The following ARMC9 variants were observed in gnomAD, a reference collection of about 807,000 sequenced individuals.
ARMC9 encodes the protein lisH domain-containing protein ARMC9.
A neutral mutation model predicts 107.0 loss-of-function variants in ARMC9; 94 were observed. The ratio of observed to expected loss-of-function variants is 0.88; its 90% confidence interval spans 0.74 to 1.04. The LOEUF is 1.04. Among genes scored for constraint, ARMC9 ranks in the 50% least tolerant of loss-of-function variants. The probability of loss-of-function intolerance (pLI) is 0.00; values close to 1 mark genes in which losing one functional copy is unlikely to be tolerated. For synonymous variants in ARMC9, 380 were observed against 396.9 expected, an observed-to-expected ratio of 0.96 and a Z score of 0.51; for missense variants, 942 against 1,030.1, an observed-to-expected ratio of 0.91 and a Z score of 1.17.
intron 19 of ARMC9, 34 bp from the exon 20 acceptor site, chr2:231,331,759 G>A: frequency 6.3e-7 from 1 of 1,581,054 alleles, no homozygotes; most frequent in East Asian, 2.2e-5. Context: ...GTGTCAGGGT[G>A]TCCATGGCAT....
chr2:231,290,223 A>G (rs2040891383), intron 17 of ARMC9, among the ~76,000 whole-genome samples: 1 of 152,242 alleles, frequency 6.6e-6, no homozygotes, highest in Admixed American at 6.5e-5. Context: ...GTCACACATT[A>G]AATTCATGGG....
intron 11 of ARMC9, among the ~76,000 whole-genome samples, chr2:231,260,140 G>A (rs2038201312): frequency 6.6e-6 from 1 of 152,212 alleles, no homozygotes; most frequent in African/African-American, 2.4e-5. Context: ...TGTGAGAAGA[G>A]CAGCATTGTT....
chr2:231,216,264 C>G (rs1020433830), intron 4 of ARMC9, among the ~76,000 whole-genome samples: 2 of 152,154 alleles, frequency 1.3e-5, no homozygotes, highest in African/African-American at 2.4e-5. Flanking sequence ...TTATTTATAT[C>G]TGAAAAGTAG....
In ARMC9 at chr2:231,362,089, G is replaced by T. The variant is rs149232437; in HGVS notation, c.2261+1206G>T. On this transcript the variant is annotated intron_variant, in intron 23 of 24. Transcript: ENST00000611582. This position sits in a 1 kb window ranked among gnomAD's most constrained non-coding sequence, Gnocchi z 4.7. ...CGGGGTCAAAGGTGGCTGCATTACT[G>T]GGGGAGGGGCCAAGCCTCTGGACTC... 6.6e-6 allele frequency among the ~76,000 whole-genome samples: 1 copy of T among 152,068 alleles called. No individual in the cohort carries two copies. The highest frequency in any genetic ancestry group is 1.5e-5 in the Non-Finnish European group (1 of 68,010).
At chr2:231,224,903 G>A (rs1224619727) in intron 6 of ARMC9, among the ~76,000 whole-genome samples, 1 of 152,210 alleles carries the variant, frequency 6.6e-6, no homozygotes, top group Non-Finnish European at 1.5e-5. Context: ...CACTGAGACA[G>A]TGCCTGGGAA....
chr2:231,217,786 G>T (rs984191400), intron 5 of ARMC9, among the ~76,000 whole-genome samples: 5 of 152,136 alleles, frequency 3.3e-5, no homozygotes, highest in Non-Finnish European at 7.4e-5. Context: ...TGCCTCCTGG[G>T]TTGAAGCGAT....
intron 19 of ARMC9, among the ~76,000 whole-genome samples, chr2:231,323,460 T>TA (rs1419781179): frequency 6.6e-6 from 1 of 152,190 alleles, no homozygotes; most frequent in African/African-American, 2.4e-5. Flanking sequence ...CTGCAGGTGT[T>TA]ACTGGGAACG....
chr2:231,308,296 C>G (rs2042145173), intron 19 of ARMC9, among the ~76,000 whole-genome samples: 1 of 152,222 alleles, frequency 6.6e-6, no homozygotes. Context: ...CTATTCTTAG[C>G]CCCATTTTAT....
At chr2:231,274,790 T>C (rs1300104170) in intron 14 of ARMC9, among the ~76,000 whole-genome samples, 1 of 152,158 alleles carries the variant, frequency 6.6e-6, no homozygotes, top group Non-Finnish European at 1.5e-5. Flanking sequence ...GTGTTTTTAG[T>C]GGGGGAAGGG....
rs1341987081 is a variant in ARMC9, at chr2:231,328,814, C to CTTTTTTTTTTTTTT, written c.1774-2975_1774-2974insTTTTTTTTTTTTTT. Among the ~76,000 whole-genome samples, 462 of 127,070 alleles carry CTTTTTTTTTTTTTT rather than the reference C, an allele frequency of 3.6e-3. 37 individuals are homozygous for CTTTTTTTTTTTTTT. The highest frequency in any genetic ancestry group is 5.7e-3 in the African/African-American group (199 of 34,744). The allele number at this position is 127,070 out of a possible 152,430, so 83.4% of individuals were successfully genotyped here. ...AGCGTGTTCAATTTTCTTTTCTTTT[C>CTTTTTTTTTTTTTT]TTTTCTTTTTTTTTTTTTGAGTCGG... On this transcript the variant is annotated intron_variant, in intron 19 of 24. Transcript: ENST00000611582.
intron 8 of ARMC9, among the ~76,000 whole-genome samples, chr2:231,237,177 T>TGC (rs1274873866): frequency 8.9e-6 from 1 of 112,188 alleles, no homozygotes; most frequent in Non-Finnish European, 1.7e-5. Flanking sequence ...TGCGTATGCG[T>TGC]GTGTGTGTGT....
chr2:231,323,910 A>G (rs2043141559), intron 19 of ARMC9, among the ~76,000 whole-genome samples: 1 of 152,080 alleles, frequency 6.6e-6, no homozygotes. Context: ...CACTAGAGAA[A>G]CTGAGGCAGC....
At position 231,263,475 on chromosome 2, in the gene ARMC9, A is replaced by C. The variant is rs189745997; in HGVS notation, c.1119+1077A>C. On this transcript the variant is annotated intron_variant, in intron 12 of 24. Coordinates refer to ENST00000611582, the MANE Select transcript of ARMC9 (RefSeq NM_001352754.2). ...GGGTCGAAGCTGTCTTTTTATCAGG[A>C]GCCTACTCGCACAATAACTAACCCA... Among the ~76,000 whole-genome samples, 68 of 152,318 alleles carry C rather than the reference A, an allele frequency of 4.5e-4. 2 individuals carry two copies. Among genetic ancestry groups the C allele is most frequent in the Admixed American group, 4.1e-3 (63 of 15,308 alleles).
chr2:231,326,724 G>C (rs1391074773), intron 19 of ARMC9, among the ~76,000 whole-genome samples: 2 of 152,180 alleles, frequency 1.3e-5, no homozygotes, highest in Admixed American at 1.3e-4. Context: ...CCAGGAGGTT[G>C]AGCCTTCATA....
intron 17 of ARMC9, among the ~76,000 whole-genome samples, chr2:231,287,109 G>A (rs527339772): frequency 6.6e-6 from 1 of 152,342 alleles, no homozygotes; most frequent in East Asian, 1.9e-4. Flanking sequence ...GGGAAGGCCA[G>A]GGAGCTGGGC....
chr2:231,315,538 C>CATAAATAA (rs1008199538), intron 19 of ARMC9, among the ~76,000 whole-genome samples: 1 of 152,084 alleles, frequency 6.6e-6, no homozygotes, highest in Non-Finnish European at 1.5e-5. Flanking sequence ...GGCTCCATCT[C>CATAAATAA]ATAAATAAAT....
chr2:231,296,087 T>C (rs2041343954), intron 18 of ARMC9, 111 bp from the exon 19 acceptor site: 5 of 689,712 alleles, frequency 7.2e-6, no homozygotes, highest in Non-Finnish European at 7.2e-6. Flanking sequence ...ATGACTTTGA[T>C]GTAACCTCAT....
intron 21 of ARMC9, among the ~76,000 whole-genome samples, chr2:231,347,169 G>A (rs1339329643): frequency 6.6e-6 from 1 of 152,122 alleles, no homozygotes; most frequent in Non-Finnish European, 1.5e-5. Flanking sequence ...TGTGGGGGTG[G>A]CCCCATCAAG....
chr2:231,373,327 T>A lies in ARMC9; in HGVS notation c.*1792T>A, dbSNP rs1191808329. The A allele has an allele frequency of 1.3e-5, 2 of 152,276 alleles. No homozygotes were observed. The highest frequency in any genetic ancestry group is 6.5e-5 in the Admixed American group (1 of 15,286). The allele number at this position is 152,276 out of a possible 1,614,324, so 9.4% of individuals were successfully genotyped here. A position where few individuals can be genotyped will look rare whatever the true frequency, so the allele number is the denominator to read the frequency against. On this transcript the variant is annotated 3_prime_UTR_variant, in exon 25 of 25. Transcript: ENST00000611582. This position sits in a 1 kb window ranked among gnomAD's most constrained non-coding sequence, Gnocchi z 4.4. The stretch of plus-strand genomic sequence containing the variant: ...AGCAAAGGAGTGGAATGGAAAAATC[T>A]CTCTTGCTCCCCACAAGAAGTCCAC...
Sources: gnomAD v4.1 joint callset for allele counts (sites outside exome capture counted in the v4.1 genomes callset) on GRCh38, gnomAD v4.1.1 for gene constraint, Gnocchi (gnomAD v3.1) non-coding constraint, MANE v1.5 for transcripts, NCBI Gene and HGNC (gene_info 2026-07-23, HGNC 2026-07-21) for gene names.